The following KDM4D variants were observed in gnomAD, a reference collection of about 807,000 sequenced individuals.
The protein encoded by KDM4D is lysine demethylase 4D.
For missense variants in KDM4D, 427 were observed against 674.8 expected, an observed-to-expected ratio of 0.63 and a Z score of 4.07; for synonymous variants, 254 against 249.1, an observed-to-expected ratio of 1.02 and a Z score of -0.19.
Position 94,997,369 on chromosome 11 carries a change from T to G in KDM4D, c.-4T>G. ...CTAAAAACTAAGAGTTTACTGCTTA[T>G]TAAATGGAAACTATGAAGTCTAAGG... On this transcript the variant is annotated 5_prime_UTR_variant, in exon 3 of 3. Coordinates refer to ENST00000335080, the MANE Select transcript of KDM4D (RefSeq NM_018039.3). 1 of 1,586,966 alleles carries G rather than the reference T, an allele frequency of 6.3e-7. No homozygotes were observed. The highest frequency in any genetic ancestry group is 2.2e-5 in the East Asian group (1 of 44,738).
rs1857981107 is a variant in KDM4D, at chr11:94,997,097, C to CCTGAGTAA, written c.-276_-275insCTGAGTAA. 1 of 281,382 alleles carries CCTGAGTAA rather than the reference C, an allele frequency of 3.6e-6. No individual in the cohort carries two copies. 17.4% of individuals were successfully genotyped at this position (281,382 alleles called of 1,614,324 possible). ...CCCCAGGTCTGAGTAATTCAATAGACTTAAGAAGACAGAGCCCAGCAGCAA... is the reference window on the plus strand; with the variant it reads ...CCCCAGGTCTGAGTAATTCAATAGACCTGAGTAATTAAGAAGACAGAGCCCAGCAGCAA... On this transcript the variant is annotated 5_prime_UTR_variant, in exon 3 of 3. Coordinates refer to ENST00000335080, the MANE Select transcript of KDM4D (RefSeq NM_018039.3).
chr11:94,984,582 A>T (rs1857868622), intron 2 of KDM4D, among the ~76,000 whole-genome samples: 2 of 151,750 alleles, frequency 1.3e-5, no homozygotes, highest in South Asian at 4.2e-4. Context: ...CAGGCCAGGC[A>T]TGGTGGCTCA....
chr11:94,982,484 A>C (rs1857849447), intron 2 of KDM4D, among the ~76,000 whole-genome samples: 1 of 151,468 alleles, frequency 6.6e-6, no homozygotes, highest in African/African-American at 2.4e-5. Flanking sequence ...CTACCAACTC[A>C]GTCAACATTC....
intron 2 of KDM4D, among the ~76,000 whole-genome samples, chr11:94,975,990 A>G (rs587606654): frequency 1.3e-5 from 2 of 152,362 alleles, no homozygotes; most frequent in East Asian, 3.9e-4. Flanking sequence ...AATATACAAT[A>G]TAGTCAATCC....
chr11:94,981,783 C>T (rs1312458033), intron 2 of KDM4D, among the ~76,000 whole-genome samples: 2 of 151,568 alleles, frequency 1.3e-5, no homozygotes, highest in African/African-American at 4.8e-5. Flanking sequence ...TTTAAAAAAG[C>T]CCAACTTTTG....
At position 94,999,054 on chromosome 11, in the gene KDM4D, A is replaced by G. The variant is rs1239455470; in HGVS notation, c.*110A>G. On this transcript the variant is annotated 3_prime_UTR_variant, in exon 3 of 3. Coordinates refer to ENST00000335080, the MANE Select transcript of KDM4D (RefSeq NM_018039.3). ...TGAGTTTGCAGGACTCTAGGCATGC[A>G]TGAAAGAGCCCCCCTGGTGATGCCC... 3 of 1,054,936 alleles carry G rather than the reference A, an allele frequency of 2.8e-6. No individual in the cohort carries two copies. Among genetic ancestry groups the G allele is most frequent in the South Asian group, 3.1e-5 (1 of 31,820 alleles). 65.3% of individuals were successfully genotyped at this position (1,054,936 alleles called of 1,614,324 possible).
At chr11:94,987,051 G>C (rs587719141) in intron 2 of KDM4D, among the ~76,000 whole-genome samples, 1 of 152,182 alleles carries the variant, frequency 6.6e-6, no homozygotes, top group East Asian at 1.9e-4. Context: ...AAAAGAAGCT[G>C]GACACAAAAT....
intron 2 of KDM4D, among the ~76,000 whole-genome samples, chr11:94,996,734 T>C (rs1857978576): frequency 6.6e-6 from 1 of 152,212 alleles, no homozygotes; most frequent in African/African-American, 2.4e-5. Context: ...CTCACAACCA[T>C]ACACATTTCC....
rs1382524102 is a variant in KDM4D, at chr11:94,999,184, C to T, written c.*240C>T. 8.0e-6 allele frequency: 3 copies of T among 374,534 alleles called. No individual in the cohort carries two copies. The highest frequency in any genetic ancestry group is 1.5e-5 in the Non-Finnish European group (3 of 200,682). 23.2% of individuals were successfully genotyped at this position (374,534 alleles called of 1,614,324 possible). On this transcript the variant is annotated 3_prime_UTR_variant, in exon 3 of 3. Transcript: ENST00000335080. ...ATATTGCTAAAATCTATTTCTGCAGCTGAGGTTTTATCCACTGGACACATT... is the reference window on the plus strand; with the variant it reads ...ATATTGCTAAAATCTATTTCTGCAGTTGAGGTTTTATCCACTGGACACATT...
intron 2 of KDM4D, among the ~76,000 whole-genome samples, chr11:94,993,912 A>T (rs1857956664): frequency 6.6e-6 from 1 of 152,154 alleles, no homozygotes; most frequent in South Asian, 2.1e-4. Context: ...AATATAAAGA[A>T]TTTATAATAA....
At chr11:94,983,478 A>G (rs587738164) in intron 2 of KDM4D, among the ~76,000 whole-genome samples, 1 of 152,266 alleles carries the variant, frequency 6.6e-6, no homozygotes, top group East Asian at 1.9e-4. Flanking sequence ...AATTTTTTCA[A>G]ATATCAAAAA....
intron 2 of KDM4D, among the ~76,000 whole-genome samples, chr11:94,976,849 T>C (rs1321449485): frequency 3.9e-5 from 6 of 152,126 alleles, no homozygotes; most frequent in Non-Finnish European, 8.8e-5. Flanking sequence ...TAAGAAACTA[T>C]TTATAGAACC....
At chr11:94,986,674 A>G (rs1482212555) in intron 2 of KDM4D, among the ~76,000 whole-genome samples, 1 of 152,212 alleles carries the variant, frequency 6.6e-6, no homozygotes, top group African/African-American at 2.4e-5. Flanking sequence ...GACAATAACA[A>G]GTATTGATGT....
chr11:94,975,582 C>A (rs1755826172), intron 1 of KDM4D, 72 bp from the exon 2 acceptor site: 1 of 151,716 alleles, frequency 6.6e-6, no homozygotes, highest in Middle Eastern at 3.2e-3. Context: ...ATAGTACTTG[C>A]TAAATAAATG....
At chr11:94,991,403 G>GA (rs1857933441) in intron 2 of KDM4D, among the ~76,000 whole-genome samples, 1 of 152,024 alleles carries the variant, frequency 6.6e-6, no homozygotes, top group South Asian at 2.1e-4. Context: ...CAATTTCAAA[G>GA]AAACAGACCA....
rs188791620 is a variant in KDM4D, at chr11:94,992,330, A to T, written c.-349-4694A>T. Among the ~76,000 whole-genome samples the T allele has an allele frequency of 5.9e-3, 892 of 152,154 alleles. 4 individuals carry two copies. Among genetic ancestry groups the T allele is most frequent in the Non-Finnish European group, 8.4e-3 (570 of 67,916 alleles). ...AATATGTAAAATATTCATGTAATTA[A>T]TATGTAAAATGTTTATATAAGTAGG... On this transcript the variant is annotated intron_variant, in intron 2 of 2. Transcript: ENST00000335080.
Position 94,997,884 on chromosome 11 carries a change from T to C in KDM4D, c.512T>C (p.Val171Ala). 2 of 1,614,232 alleles carry C rather than the reference T, an allele frequency of 1.2e-6. No individual in the cohort carries two copies. The highest frequency in any genetic ancestry group is 8.5e-7 in the Non-Finnish European group (1 of 1,180,042). Residue 171 changes from valine to alanine, a missense_variant, in exon 3 of 3, where the codon GTC (valine) becomes GCC (alanine). By Grantham distance (64) the Val-to-Ala change is moderately conservative. Coordinates refer to ENST00000335080, the MANE Select transcript of KDM4D (RefSeq NM_018039.3). Reference sequence around the variant, plus strand: ...CTGCTGGAAAAGGAATGTGGGGTTGTCATAGAAGGCGTCAATACACCCTAC... The same window carrying C: ...CTGCTGGAAAAGGAATGTGGGGTTGCCATAGAAGGCGTCAATACACCCTAC... Reference protein sequence around the residue: ...QDLLEKECGVVIEGVNTPYLY... With the variant: ...QDLLEKECGVAIEGVNTPYLY...
intron 2 of KDM4D, among the ~76,000 whole-genome samples, chr11:94,981,882 C>CT (rs1487285295): frequency 2.0e-4 from 30 of 151,162 alleles, no homozygotes; most frequent in Admixed American, 1.8e-3. Flanking sequence ...TTTGCTGTTA[C>CT]TTTTTTCTGA....
intron 2 of KDM4D, among the ~76,000 whole-genome samples, chr11:94,976,261 C>A (rs1264913794): frequency 2.6e-5 from 4 of 151,982 alleles, no homozygotes; most frequent in Non-Finnish European, 5.9e-5. Context: ...TGTTTATTTT[C>A]CCCCTCTACA....
Sources: gnomAD v4.1 joint callset for allele counts (sites outside exome capture counted in the v4.1 genomes callset) on GRCh38, gnomAD v4.1.1 for gene constraint, MANE v1.5 for transcripts, NCBI Gene and HGNC (gene_info 2026-07-23, HGNC 2026-07-21) for gene names.